Variants in NRXN1 observed in about 807,000 individuals in gnomAD.
NRXN1 encodes neurexin 1.
A neutral mutation model predicts 150.9 loss-of-function variants in NRXN1; 39 were observed. That is an observed-to-expected ratio of 0.26 (90% CI 0.20 to 0.34). The LOEUF is 0.34. Among genes scored for constraint, NRXN1 ranks in the 10% least tolerant of loss-of-function variants. NRXN1 has a pLI of 1.00. For missense variants in NRXN1, 1,815 were observed against 1,949.9 expected (o/e 0.93, Z 1.30); for synonymous variants, 924 against 757.0 (o/e 1.22, Z -3.62).
At chr2:50,293,864 A>G (rs2073247036) in intron 17 of NRXN1, among the ~76,000 whole-genome samples, 1 of 152,160 alleles carries the variant, frequency 6.6e-6, no homozygotes. Flanking sequence ...TGGCTGTGTG[A>G]CTGCAAGGAA....
chr2:50,133,866 T>G (rs1327376856), intron 18 of NRXN1, among the ~76,000 whole-genome samples: 1 of 152,154 alleles, frequency 6.6e-6, no homozygotes, highest in Non-Finnish European at 1.5e-5. Context: ...TAGGATACAT[T>G]TATTTGCTTG....
At chr2:50,788,238 C>T (rs1052327420) in intron 5 of NRXN1, among the ~76,000 whole-genome samples, 2 of 151,978 alleles carry the variant, frequency 1.3e-5, no homozygotes, top group African/African-American at 4.8e-5. Flanking sequence ...AGGCACCCGC[C>T]ACCATGCCTG....
intron 2 of NRXN1, among the ~76,000 whole-genome samples, chr2:51,000,266 T>C (rs1383345260): frequency 6.6e-6 from 1 of 152,062 alleles, no homozygotes. Flanking sequence ...ACCGCCCTTA[T>C]CCATTCTCTA....
intron 18 of NRXN1, among the ~76,000 whole-genome samples, chr2:50,108,079 C>A (rs548366947): frequency 1.9e-4 from 29 of 151,682 alleles, no homozygotes; most frequent in Non-Finnish European, 4.1e-4. Flanking sequence ...TTTATGTTGC[C>A]TTTGGAAAAA....
chr2:49,983,878 A>G (rs1680425295), intron 21 of NRXN1, among the ~76,000 whole-genome samples: 2 of 152,178 alleles, frequency 1.3e-5, no homozygotes, highest in Admixed American at 6.6e-5. Flanking sequence ...CAAAACTGGT[A>G]AGAAATACAA....
chr2:50,134,832 C>T (rs907688527), intron 18 of NRXN1, among the ~76,000 whole-genome samples: 3 of 152,170 alleles, frequency 2.0e-5, no homozygotes, highest in African/African-American at 7.2e-5. Flanking sequence ...ATGAAAGCCT[C>T]TAATGGCATT....
In NRXN1 at chr2:49,922,010, T is replaced by C; in HGVS notation, c.4458A>G (p.Lys1486=). The C allele has an allele frequency of 6.2e-7, 1 of 1,614,198 alleles. No homozygotes were observed. Among genetic ancestry groups the C allele is most frequent in the Non-Finnish European group, 8.5e-7 (1 of 1,180,022 alleles). ...AQSNGAVVKE[K]QPSSAKSSNK... ...TGGAGCTTTTCGCACTGCTGGGTTG[T>C]TTCTCCTTTACAACAGCCCCATTGG... The change falls in exon 23 of 23, where the codon AAA becomes AAG. Residue 1486 remains lysine, a synonymous_variant. Transcript: ENST00000401669.
At chr2:50,433,861 A>G (rs2085188207) in intron 17 of NRXN1, among the ~76,000 whole-genome samples, 1 of 152,070 alleles carries the variant, frequency 6.6e-6, no homozygotes, top group Non-Finnish European at 1.5e-5. Context: ...CAGAAATAAA[A>G]GCAGATGGTA....
chr2:50,439,436 G>A (rs944710200), intron 17 of NRXN1, among the ~76,000 whole-genome samples: 2 of 152,154 alleles, frequency 1.3e-5, no homozygotes, highest in African/African-American at 4.8e-5. Context: ...TAAAGACAGT[G>A]TTATACATGC....
intron 11 of NRXN1, chr2:50,529,048 A>G (rs996904041): frequency 1.6e-4 from 26 of 161,334 alleles, no homozygotes; most frequent in Admixed American, 4.5e-4. Flanking sequence ...AGGCTCAGAC[A>G]TCTTGGACCT....
At chr2:50,952,260 A>T (rs1230708772) in intron 2 of NRXN1, among the ~76,000 whole-genome samples, 3 of 152,018 alleles carry the variant, frequency 2.0e-5, no homozygotes, top group African/African-American at 7.2e-5. Context: ...GCCACGAATA[A>T]ATATATTTTA....
At chr2:50,327,409 C>G (rs2076456938) in intron 17 of NRXN1, among the ~76,000 whole-genome samples, 1 of 152,164 alleles carries the variant, frequency 6.6e-6, no homozygotes, top group South Asian at 2.1e-4. Context: ...GCTTGAGAGT[C>G]ACTTCCTAGA....
At chr2:50,014,130 G>A (rs7573331) in intron 21 of NRXN1, among the ~76,000 whole-genome samples, 77,299 of 151,238 alleles carry the variant, frequency 0.51, 20,065 homozygotes, top group Middle Eastern at 0.59. Context: ...TTTTAGAAAT[G>A]AGTATGGATG....
intron 17 of NRXN1, among the ~76,000 whole-genome samples, chr2:50,436,095 T>C (rs1214269674): frequency 6.6e-6 from 1 of 152,124 alleles, no homozygotes; most frequent in Non-Finnish European, 1.5e-5. Context: ...GAAAAAGAAG[T>C]CTAGATTACA....
At chr2:50,794,668 A>G (rs189268115) in intron 5 of NRXN1, among the ~76,000 whole-genome samples, 215 of 152,304 alleles carry the variant, frequency 1.4e-3, no homozygotes, top group African/African-American at 5.0e-3. Flanking sequence ...GAAAATGTGA[A>G]GAAAGATCTC....
intron 18 of NRXN1, among the ~76,000 whole-genome samples, chr2:50,108,243 G>GCACA (rs1358876818): frequency 6.6e-6 from 1 of 151,870 alleles, no homozygotes; most frequent in African/African-American, 2.4e-5. Context: ...ATTAAATGTA[G>GCACA]CACACACACA....
At chr2:50,799,466 G>A (rs1574513950) in intron 5 of NRXN1, among the ~76,000 whole-genome samples, 1 of 152,128 alleles carries the variant, frequency 6.6e-6, no homozygotes, top group Non-Finnish European at 1.5e-5. Context: ...GTGGGCTGGG[G>A]GATGTGTTCA....
chr2:50,981,807 T>C (rs1167920045), intron 2 of NRXN1, among the ~76,000 whole-genome samples: 1 of 148,648 alleles, frequency 6.7e-6, no homozygotes, highest in Non-Finnish European at 1.5e-5. Context: ...CTAATAATTG[T>C]TTGAATAAAC....
At chr2:50,576,089 A>T (rs1269107533) in intron 8 of NRXN1, among the ~76,000 whole-genome samples, 1 of 152,152 alleles carries the variant, frequency 6.6e-6, no homozygotes, top group Admixed American at 6.5e-5. Flanking sequence ...TTACCAGTGC[A>T]TTTAAACTTC....
Sources: allele counts gnomAD v4.1 joint callset (sites outside exome capture counted in the v4.1 genomes callset), GRCh38; gene constraint gnomAD v4.1.1; transcripts MANE v1.5; gene names NCBI Gene and HGNC (gene_info 2026-07-23, HGNC 2026-07-21).